Variants in COL5A2 observed in about 807,000 individuals in gnomAD.
The protein encoded by COL5A2 is collagen type V alpha 2 chain.
A neutral mutation model predicts 208.2 loss-of-function variants in COL5A2; 23 were observed. That is an observed-to-expected ratio of 0.11 (90% CI 0.08 to 0.16). The LOEUF (loss-of-function observed/expected upper bound fraction) is 0.16, where lower values mean the gene tolerates loss of function less well. Among genes scored for constraint, COL5A2 ranks in the 10% least tolerant of loss-of-function variants. COL5A2 has a pLI of 1.00. For missense variants in COL5A2, 1,590 were observed against 1,956.4 expected (o/e 0.81, Z 3.53); for synonymous variants, 625 against 628.5 (o/e 0.99, Z 0.08).
At chr2:189,147,495 G>C (rs1043160686) in intron 1 of COL5A2, among the ~76,000 whole-genome samples, 10 of 152,110 alleles carry the variant, frequency 6.6e-5, no homozygotes, top group South Asian at 4.1e-4. Flanking sequence ...AACTCACAGA[G>C]GAATCATGGT....
At chr2:189,409,287 T>C in the COL5A2 span, among the ~76,000 whole-genome samples, 58 of 145,858 alleles carry the variant, frequency 4.0e-4, no homozygotes, top group Middle Eastern at 3.6e-3. Flanking sequence ...TCATAGCTCA[T>C]TGCAGCCTCG....
chr2:189,410,026 T>C, the COL5A2 span, among the ~76,000 whole-genome samples: 1 of 152,174 alleles, frequency 6.6e-6, no homozygotes, highest in Non-Finnish European at 1.5e-5. Flanking sequence ...CATGAAATAC[T>C]TCGAGTCACA....
intron 1 of COL5A2, among the ~76,000 whole-genome samples, chr2:189,129,748 A>T (rs2105751169): frequency 6.6e-6 from 1 of 152,126 alleles, no homozygotes; most frequent in Non-Finnish European, 1.5e-5. Flanking sequence ...TTGGATTATA[A>T]TTCAGCCATT....
At chr2:189,341,208 C>T in the COL5A2 span, among the ~76,000 whole-genome samples, 1 of 152,138 alleles carries the variant, frequency 6.6e-6, no homozygotes, top group East Asian at 1.9e-4. Context: ...TCTAACATGA[C>T]TCTAGATGTC....
the COL5A2 span, among the ~76,000 whole-genome samples, chr2:189,406,835 G>GT: frequency 1.3e-5 from 2 of 152,048 alleles, no homozygotes; most frequent in Non-Finnish European, 2.9e-5. Context: ...TTGAGACAAA[G>GT]TACACACAGA....
intron 1 of COL5A2, among the ~76,000 whole-genome samples, chr2:189,130,530 C>T (rs1219204780): frequency 6.6e-6 from 1 of 151,926 alleles, no homozygotes; most frequent in African/African-American, 2.4e-5. Context: ...ATAGCTGTAC[C>T]CCTTACACCT....
At chr2:189,244,709 T>A in the COL5A2 span, among the ~76,000 whole-genome samples, 1 of 152,230 alleles carries the variant, frequency 6.6e-6, no homozygotes, top group South Asian at 2.1e-4. Context: ...TCCTCCAAAC[T>A]GTTCCAACAT....
chr2:189,203,238 C>CA (rs1205926022), intron 1 of COL5A2, among the ~76,000 whole-genome samples: 1 of 152,050 alleles, frequency 6.6e-6, no homozygotes, highest in Non-Finnish European at 1.5e-5. Flanking sequence ...AAGTTTTAGC[C>CA]AAAAAAGCAT....
At chr2:189,391,258 G>A in the COL5A2 span, among the ~76,000 whole-genome samples, 8 of 152,258 alleles carry the variant, frequency 5.3e-5, no homozygotes. Flanking sequence ...TTCTACTCCT[G>A]TATTCCACAC....
At chr2:189,044,813 T>C (rs1685629588) in intron 47 of COL5A2, among the ~76,000 whole-genome samples, 1 of 152,092 alleles carries the variant, frequency 6.6e-6, no homozygotes, top group Non-Finnish European at 1.5e-5. Flanking sequence ...AAATGAAACA[T>C]AATATTTGAA....
At chr2:189,249,766 G>A in the COL5A2 span, among the ~76,000 whole-genome samples, 4 of 151,796 alleles carry the variant, frequency 2.6e-5, no homozygotes, top group South Asian at 2.1e-4. Context: ...GTGTGATCTC[G>A]GCTCATTGCA....
At chr2:189,116,281 T>C (rs189070206) in intron 1 of COL5A2, among the ~76,000 whole-genome samples, 1 of 152,320 alleles carries the variant, frequency 6.6e-6, no homozygotes, top group Admixed American at 6.5e-5. Context: ...CCTTTAGTAA[T>C]GCACAGCAGA....
the COL5A2 span, among the ~76,000 whole-genome samples, chr2:189,362,479 T>C: frequency 1.1e-4 from 17 of 152,194 alleles, no homozygotes; most frequent in African/African-American, 4.1e-4. Context: ...CAGTCATGTT[T>C]TCTTCTTACA....
At chr2:189,395,194 C>G in the COL5A2 span, among the ~76,000 whole-genome samples, 1 of 152,176 alleles carries the variant, frequency 6.6e-6, no homozygotes, top group Non-Finnish European at 1.5e-5. Context: ...CTGTGTCACA[C>G]TTTATTTTAC....
At chr2:189,423,041 G>C in the COL5A2 span, among the ~76,000 whole-genome samples, 1 of 133,578 alleles carries the variant, frequency 7.5e-6, no homozygotes, top group South Asian at 2.4e-4. Context: ...AAAAAAAAAA[G>C]AAAGAAAAGA....
chr2:189,274,189 T>C, the COL5A2 span, among the ~76,000 whole-genome samples: 2 of 152,116 alleles, frequency 1.3e-5, no homozygotes, highest in Non-Finnish European at 2.9e-5. Context: ...AAAATTCTAA[T>C]AAGATAAATA....
At chr2:189,283,456 A>C in the COL5A2 span, among the ~76,000 whole-genome samples, 1 of 152,144 alleles carries the variant, frequency 6.6e-6, no homozygotes, top group Non-Finnish European at 1.5e-5. Flanking sequence ...AAAATAAAAC[A>C]AATACTAATT....
the COL5A2 span, among the ~76,000 whole-genome samples, chr2:189,406,008 T>C: frequency 6.6e-6 from 1 of 152,202 alleles, no homozygotes; most frequent in Non-Finnish European, 1.5e-5. Flanking sequence ...AACCACTTCA[T>C]GGAGTGATTA....
rs1194645204 is a variant in COL5A2 at position 189,039,341 on chromosome 2, C to A, written c.3856G>T (p.Asp1286Tyr). 1 of 1,614,064 alleles carries A rather than the reference C, an allele frequency of 6.2e-7. No homozygotes were observed. Among genetic ancestry groups the A allele is most frequent in the Non-Finnish European group, 8.5e-7 (1 of 1,180,016 alleles). Residue 1286 changes from aspartate to tyrosine, a missense_variant, in exon 51 of 54, where the codon GAT becomes TAT. By Grantham distance (160) the Asp-to-Tyr change is radical. Coordinates refer to ENST00000374866, the MANE Select transcript of COL5A2 (RefSeq NM_000393.5). ...SSQIETMRSP[D>Y]GSKKHPARTC... ...CGGGCTGGGTGCTTTTTCGAGCCAT[C>A]GGGGCTGCGCATGGTTTCAATCTGA...
Sources: allele counts gnomAD v4.1 joint callset (sites outside exome capture counted in the v4.1 genomes callset), GRCh38; gene constraint gnomAD v4.1.1; transcripts MANE v1.5; gene names NCBI Gene and HGNC (gene_info 2026-07-23, HGNC 2026-07-21).